Variants in ADISSP observed in about 807,000 individuals in gnomAD.
ADISSP encodes the protein adipose-secreted signaling protein.
At chr20:3,753,711 T>C in the ADISSP span, 4 of 370,154 alleles carry the variant, frequency 1.1e-5, 1 homozygote, top group Non-Finnish European at 5.1e-6. Flanking sequence ...CAGAGCCAGC[T>C]CCGTCCTCTC....
chr20:3,759,494 C>T, the ADISSP span, among the ~76,000 whole-genome samples: 1 of 152,074 alleles, frequency 6.6e-6, no homozygotes, highest in Non-Finnish European at 1.5e-5. This position sits in a 1 kb window ranked among gnomAD's most constrained non-coding sequence, Gnocchi z 4.6. Context: ...GGCCCTAGTC[C>T]TCTCTGACCC....
the ADISSP span, among the ~76,000 whole-genome samples, chr20:3,756,500 G>C: frequency 3.3e-5 from 5 of 152,230 alleles, no homozygotes; most frequent in Admixed American, 6.5e-5. Flanking sequence ...GGCACACAGA[G>C]TCCTGCTCAC....
At chr20:3,761,166 TAATA>T in the ADISSP span, among the ~76,000 whole-genome samples, 778 of 152,288 alleles carry the variant, frequency 5.1e-3, 24 homozygotes, top group East Asian at 0.1. Flanking sequence ...GAATTCTTGC[TAATA>T]AATAACAAAG....
At chr20:3,755,367 C>T in the ADISSP span, 11 of 1,121,414 alleles carry the variant, frequency 9.8e-6, no homozygotes, top group South Asian at 1.3e-5. Flanking sequence ...GTGCCACATC[C>T]CCGACTTGCT....
chr20:3,764,581 T>C, the ADISSP span, among the ~76,000 whole-genome samples: 2 of 152,240 alleles, frequency 1.3e-5, no homozygotes, highest in East Asian at 1.9e-4. Flanking sequence ...TACAGCTCTT[T>C]TTGGAATCCC....
the ADISSP span, among the ~76,000 whole-genome samples, chr20:3,762,618 C>T: frequency 6.6e-6 from 1 of 152,184 alleles, no homozygotes; most frequent in Admixed American, 6.5e-5. Flanking sequence ...TCCCAAAGTG[C>T]TGGGATTACA....
the ADISSP span, among the ~76,000 whole-genome samples, chr20:3,765,886 C>G: frequency 6.6e-6 from 1 of 151,902 alleles, no homozygotes; most frequent in Non-Finnish European, 1.5e-5. Context: ...GGTGCCTCCC[C>G]GCCAGCAAAA....
chr20:3,760,227 T>C, the ADISSP span: 501,871 of 719,190 alleles, frequency 0.7, 177,254 homozygotes, highest in African/African-American at 0.89. Context: ...TCAGGGCCAC[T>C]CATGGACCCA....
At chr20:3,759,314 AC>A in the ADISSP span, among the ~76,000 whole-genome samples, 1 of 151,272 alleles carries the variant, frequency 6.6e-6, no homozygotes, top group Admixed American at 6.6e-5. This position sits in a 1 kb window ranked among gnomAD's most constrained non-coding sequence, Gnocchi z 4.6. Flanking sequence ...CCACCTCAAG[AC>A]CCCCTTCCTT....
At chr20:3,755,667 C>G in the ADISSP span, 1 of 1,478,708 alleles carries the variant, frequency 6.8e-7, no homozygotes, top group South Asian at 1.2e-5. Flanking sequence ...GCAGGCCCAC[C>G]CAGTTGTGCC....
At chr20:3,755,731 C>T in the ADISSP span, 1 of 749,866 alleles carries the variant, frequency 1.3e-6, no homozygotes, top group African/African-American at 1.7e-5. Flanking sequence ...CCAGAAAGCC[C>T]AACTCCCTCC....
chr20:3,758,638 G>A, the ADISSP span: 2 of 1,613,934 alleles, frequency 1.2e-6, no homozygotes, highest in African/African-American at 2.7e-5. This position sits in a 1 kb window ranked among gnomAD's most constrained non-coding sequence, Gnocchi z 5.5. Flanking sequence ...CTGCATCGTG[G>A]CCTGCCGCAA....
the ADISSP span, among the ~76,000 whole-genome samples, chr20:3,764,814 C>G: frequency 3.5e-4 from 53 of 152,388 alleles, 1 homozygote; most frequent in African/African-American, 1.3e-3. Context: ...GGGCCAGTGA[C>G]TGCACTGGGG....
chr20:3,753,755 T>C, the ADISSP span: 1 of 450,426 alleles, frequency 2.2e-6, no homozygotes, highest in Non-Finnish European at 4.1e-6. Flanking sequence ...TGGCTTGGGG[T>C]GGGGAGTGGG....
the ADISSP span, among the ~76,000 whole-genome samples, chr20:3,764,127 G>A: frequency 4.6e-5 from 7 of 152,160 alleles, no homozygotes; most frequent in African/African-American, 1.7e-4. Flanking sequence ...GCAGCCTGCC[G>A]TAACCGCCCC....
the ADISSP span, chr20:3,753,785 C>T: frequency 1.9e-6 from 1 of 529,556 alleles, no homozygotes; most frequent in South Asian, 2.1e-5. Context: ...CCAGGCCCTC[C>T]CTCTCCCTTC....
At chr20:3,763,276 G>T in the ADISSP span, among the ~76,000 whole-genome samples, 1 of 111,194 alleles carries the variant, frequency 9.0e-6, no homozygotes, top group Non-Finnish European at 1.9e-5. Context: ...AAAAAAAAAA[G>T]GCCGGGTGAG....
the ADISSP span, chr20:3,758,429 C>T: frequency 3.0e-6 from 3 of 1,012,656 alleles, no homozygotes; most frequent in East Asian, 7.2e-5. The surrounding 1 kb of genome is among the most constrained non-coding windows in gnomAD (Gnocchi z 5.5). Flanking sequence ...CAGGGAAAGG[C>T]ACAGACATGC....
the ADISSP span, chr20:3,758,589 G>T: frequency 6.2e-7 from 1 of 1,614,028 alleles, no homozygotes; most frequent in Non-Finnish European, 8.5e-7. The surrounding 1 kb of genome is among the most constrained non-coding windows in gnomAD (Gnocchi z 5.5). Context: ...ACCGAGTCAT[G>T]CAGCTTCTCA....
Sources: gnomAD v4.1 joint callset for allele counts (sites outside exome capture counted in the v4.1 genomes callset) on GRCh38, gnomAD v4.1.1 for gene constraint, Gnocchi (gnomAD v3.1) non-coding constraint, MANE v1.5 for transcripts, NCBI Gene and HGNC (gene_info 2026-07-23, HGNC 2026-07-21) for gene names.